Variants in LSAMP observed in about 807,000 individuals in gnomAD.
The protein encoded by LSAMP is limbic system associated membrane protein, also known as limbic system-associated membrane protein.
Under a neutral mutation model 38.6 loss-of-function variants are expected in LSAMP, and 7 were observed. The observed-to-expected ratio is 0.18, with a 90% CI of 0.10 to 0.34. The LOEUF (loss-of-function observed/expected upper bound fraction) is 0.34, where lower values mean the gene tolerates loss of function less well. Among genes scored for constraint, LSAMP ranks in the 10% least tolerant of loss-of-function variants. LSAMP has a pLI of 1.00. For missense variants in LSAMP, 313 were observed against 420.0 expected (o/e 0.75, Z 2.23); for synonymous variants, 154 against 166.8 (o/e 0.92, Z 0.59).
chr3:116,298,438 A>G lies in LSAMP; in HGVS notation c.155+146439T>C, dbSNP rs998397429. Among the ~76,000 whole-genome samples the G allele has an allele frequency of 4.0e-4, 61 of 152,090 alleles. 1 individual carries two copies. The highest frequency in any genetic ancestry group is 1.4e-3 in the African/African-American group (58 of 41,392). On this transcript the variant is annotated intron_variant, in intron 1 of 6. Coordinates refer to ENST00000490035, the MANE Select transcript of LSAMP (RefSeq NM_002338.5). ...TGTGTTCAGAAGGGGGAAAAAAAAAACTGGGAGTTAGGAGGCTTTTCTCTG... is the reference window on the plus strand; with the variant it reads ...TGTGTTCAGAAGGGGGAAAAAAAAAGCTGGGAGTTAGGAGGCTTTTCTCTG...
intron 1 of LSAMP, among the ~76,000 whole-genome samples, chr3:116,144,022 C>G (rs1308877884): frequency 6.6e-6 from 1 of 151,900 alleles, no homozygotes; most frequent in Non-Finnish European, 1.5e-5. Flanking sequence ...AAATTTTGCT[C>G]TGACGAATTC....
intron 3 of LSAMP, among the ~76,000 whole-genome samples, chr3:115,934,570 T>A (rs1937637834): frequency 6.6e-6 from 1 of 152,198 alleles, no homozygotes; most frequent in Non-Finnish European, 1.5e-5. Flanking sequence ...AACCTCTGGA[T>A]CATGATAAAA....
At chr3:116,354,845 ATGTG>A (rs56975134) in intron 1 of LSAMP, among the ~76,000 whole-genome samples, 12,155 of 146,022 alleles carry the variant, frequency 0.083, 527 homozygotes, top group Middle Eastern at 0.12. Flanking sequence ...GGGTGTATAT[ATGTG>A]TGTGTGTGTG....
chr3:116,248,673 C>T (rs1394639175), intron 1 of LSAMP, among the ~76,000 whole-genome samples: 1 of 152,098 alleles, frequency 6.6e-6, no homozygotes. Flanking sequence ...CCAGGCCAGC[C>T]ACTTTGGAAC....
At chr3:116,287,575 T>C (rs2047210441) in intron 1 of LSAMP, among the ~76,000 whole-genome samples, 1 of 151,826 alleles carries the variant, frequency 6.6e-6, no homozygotes, top group South Asian at 2.1e-4. Flanking sequence ...AGGTAAAGAG[T>C]AAAATATTAA....
chr3:116,246,052 C>T (rs1187312604), intron 1 of LSAMP, among the ~76,000 whole-genome samples: 7 of 152,148 alleles, frequency 4.6e-5, no homozygotes, highest in Non-Finnish European at 8.8e-5. Context: ...AAACTCTTTA[C>T]TTCCCAATGA....
chr3:115,997,749 TATATAC>T lies in LSAMP; in HGVS notation c.514+21760_514+21765del, dbSNP rs1164234125. 8.8e-4 allele frequency among the ~76,000 whole-genome samples: 116 copies of T among 131,866 alleles called. 1 individual carries two copies. Among genetic ancestry groups the T allele is most frequent in the African/African-American group, 3.2e-3 (109 of 33,680 alleles). The allele number at this position is 131,866 out of a possible 152,430, so 86.5% of individuals were successfully genotyped here. ...ATATATATATATATATATATATATA[TATATAC>T]ACACACATACATACACACACATATA... On this transcript the variant is annotated intron_variant, in intron 3 of 6. Transcript: ENST00000490035.
intron 1 of LSAMP, among the ~76,000 whole-genome samples, chr3:116,147,170 C>A (rs369985649): frequency 6.6e-6 from 1 of 151,974 alleles, no homozygotes; most frequent in African/African-American, 2.4e-5. Flanking sequence ...GCTTGACATA[C>A]GTTCTATTTG....
chr3:115,819,568 C>G (rs1471659731), intron 6 of LSAMP, among the ~76,000 whole-genome samples: 1 of 152,074 alleles, frequency 6.6e-6, no homozygotes, highest in Non-Finnish European at 1.5e-5. Context: ...TAATGGATCT[C>G]TTAGGAAACA....
intron 3 of LSAMP, among the ~76,000 whole-genome samples, chr3:115,907,746 A>G (rs952187571): frequency 6.6e-6 from 1 of 152,190 alleles, no homozygotes; most frequent in African/African-American, 2.4e-5. Flanking sequence ...AAAAGTTTTC[A>G]TTGTAATTAT....
In LSAMP at chr3:115,809,810, A is replaced by G. The variant is rs1253290412; in HGVS notation, c.*507T>C. On this transcript the variant is annotated 3_prime_UTR_variant, in exon 7 of 7. Coordinates refer to ENST00000490035, the MANE Select transcript of LSAMP (RefSeq NM_002338.5). ...AAGGAAAGCCAGAGAAAGGCTCAACATAAGATTCCATTGATAGTCTGAAGT... is the reference window on the plus strand; with the variant it reads ...AAGGAAAGCCAGAGAAAGGCTCAACGTAAGATTCCATTGATAGTCTGAAGT... 6.5e-6 allele frequency: 1 copy of G among 153,296 alleles called. No homozygotes were observed. The highest frequency in any genetic ancestry group is 2.4e-5 in the African/African-American group (1 of 41,452). The allele number at this position is 153,296 out of a possible 1,614,324, so 9.5% of individuals were successfully genotyped here.
intron 1 of LSAMP, among the ~76,000 whole-genome samples, chr3:116,108,847 G>C (rs1287882295): frequency 6.6e-6 from 1 of 152,190 alleles, no homozygotes. Context: ...GGAAGTTCTT[G>C]TGTGCTGGAG....
intron 6 of LSAMP, among the ~76,000 whole-genome samples, chr3:115,822,910 T>A (rs1302779994): frequency 6.6e-6 from 1 of 152,200 alleles, no homozygotes; most frequent in African/African-American, 2.4e-5. Context: ...GAGTAAATAA[T>A]GACATAGGCA....
chr3:116,436,610 A>G (rs2049352459), intron 1 of LSAMP, among the ~76,000 whole-genome samples: 1 of 152,136 alleles, frequency 6.6e-6, no homozygotes, highest in African/African-American at 2.4e-5. Context: ...TTACTAATGA[A>G]AATCAAAACT....
intron 2 of LSAMP, among the ~76,000 whole-genome samples, chr3:116,067,625 C>T (rs760881654): frequency 5.9e-5 from 9 of 152,162 alleles, no homozygotes; most frequent in Non-Finnish European, 1.2e-4. Context: ...GGCCATTTGG[C>T]CGGGCGGCAT....
intron 1 of LSAMP, among the ~76,000 whole-genome samples, chr3:116,258,468 A>C (rs2046784448): frequency 6.6e-6 from 1 of 150,464 alleles, no homozygotes; most frequent in South Asian, 2.1e-4. Flanking sequence ...TAATCTTTAA[A>C]GTAGTAAACA....
At chr3:116,418,479 T>C (rs2049079390) in intron 1 of LSAMP, among the ~76,000 whole-genome samples, 1 of 149,806 alleles carries the variant, frequency 6.7e-6, no homozygotes, top group Non-Finnish European at 1.5e-5. Context: ...TTCTTCATTA[T>C]ATTTCTCATG....
chr3:115,914,767 A>G (rs1217956954), intron 3 of LSAMP, among the ~76,000 whole-genome samples: 2 of 152,194 alleles, frequency 1.3e-5, no homozygotes, highest in African/African-American at 2.4e-5. Flanking sequence ...GCTGCATATC[A>G]CATAAAACCC....
At chr3:116,422,015 G>A (rs894615036) in intron 1 of LSAMP, among the ~76,000 whole-genome samples, 1 of 152,118 alleles carries the variant, frequency 6.6e-6, no homozygotes, top group African/African-American at 2.4e-5. Flanking sequence ...GCCCCAAACT[G>A]GATGCAATCC....
Sources: allele counts gnomAD v4.1 joint callset (sites outside exome capture counted in the v4.1 genomes callset), GRCh38; gene constraint gnomAD v4.1.1; transcripts MANE v1.5; gene names NCBI Gene and HGNC (gene_info 2026-07-23, HGNC 2026-07-21).